The following LYPLAL1 variants were observed in gnomAD, a reference collection of about 807,000 sequenced individuals.
The protein encoded by LYPLAL1 is lysophospholipase like 1.
Under a neutral mutation model 19.7 loss-of-function variants are expected in LYPLAL1, and 23 were observed. That is an observed-to-expected ratio of 1.17 (90% confidence interval 0.84 to 1.65). The LOEUF (loss-of-function observed/expected upper bound fraction) is 1.65. Among genes scored for constraint, LYPLAL1 ranks in the 40% most tolerant of loss-of-function variants. LYPLAL1 has a pLI of 0.00. For missense variants in LYPLAL1, 355 were observed against 279.4 expected (o/e 1.27, Z -1.93); for synonymous variants, 119 against 96.3 (o/e 1.24, Z -1.38).
the LYPLAL1 span, among the ~76,000 whole-genome samples, chr1:219,349,592 C>CATGT: frequency 6.6e-6 from 1 of 152,070 alleles, no homozygotes; most frequent in Non-Finnish European, 1.5e-5. Context: ...CCTATGCATG[C>CATGT]ATGTATGTAT....
At chr1:219,231,898 A>T in the LYPLAL1 span, among the ~76,000 whole-genome samples, 1 of 152,252 alleles carries the variant, frequency 6.6e-6, no homozygotes, top group African/African-American at 2.4e-5. Context: ...TATGTGGCAT[A>T]TACTAGCTGT....
intron 3 of LYPLAL1, chr1:219,198,478 A>C (rs1373377264): frequency 6.6e-6 from 1 of 152,106 alleles, no homozygotes; most frequent in Non-Finnish European, 1.5e-5. Flanking sequence ...TCATGATTAC[A>C]CATTTGATAT....
chr1:219,248,957 A>G, the LYPLAL1 span, among the ~76,000 whole-genome samples: 1 of 152,106 alleles, frequency 6.6e-6, no homozygotes, highest in Non-Finnish European at 1.5e-5. Flanking sequence ...ATGTCTTTAA[A>G]AAAACATGTA....
At chr1:219,180,670 G>A (rs1483342743) in intron 2 of LYPLAL1, among the ~76,000 whole-genome samples, 1 of 152,162 alleles carries the variant, frequency 6.6e-6, no homozygotes, top group Non-Finnish European at 1.5e-5. Flanking sequence ...CTGCAGGGAT[G>A]AAAGATAAGT....
the LYPLAL1 span, among the ~76,000 whole-genome samples, chr1:219,435,775 G>A: frequency 2.0e-5 from 3 of 151,492 alleles, no homozygotes; most frequent in African/African-American, 7.3e-5. Context: ...GCAGTGAGCC[G>A]AGACCACACC....
At chr1:219,293,424 A>C in the LYPLAL1 span, among the ~76,000 whole-genome samples, 1 of 152,198 alleles carries the variant, frequency 6.6e-6, no homozygotes, top group African/African-American at 2.4e-5. Flanking sequence ...TCCCTGGCTT[A>C]GAGTTAAAAA....
the LYPLAL1 span, among the ~76,000 whole-genome samples, chr1:219,395,778 T>C: frequency 6.6e-6 from 1 of 152,176 alleles, no homozygotes; most frequent in Non-Finnish European, 1.5e-5. Context: ...TTGATCCATC[T>C]TGAGTTGATT....
At chr1:219,267,432 C>T in the LYPLAL1 span, among the ~76,000 whole-genome samples, 1 of 152,132 alleles carries the variant, frequency 6.6e-6, no homozygotes, top group African/African-American at 2.4e-5. Flanking sequence ...TAGTTCATGC[C>T]TAGATGAAGC....
At chr1:219,429,624 T>C in the LYPLAL1 span, among the ~76,000 whole-genome samples, 1 of 151,976 alleles carries the variant, frequency 6.6e-6, no homozygotes, top group African/African-American at 2.4e-5. Flanking sequence ...ACCACTGCAG[T>C]CCAGCCTGGG....
chr1:219,386,063 G>A, the LYPLAL1 span, among the ~76,000 whole-genome samples: 1 of 152,156 alleles, frequency 6.6e-6, no homozygotes, highest in Admixed American at 6.5e-5. Context: ...TGCCTGGAAA[G>A]GTGAAAAATT....
the LYPLAL1 span, among the ~76,000 whole-genome samples, chr1:219,357,298 C>CT: frequency 5.3e-5 from 8 of 152,182 alleles, no homozygotes; most frequent in Admixed American, 2.0e-4. Context: ...AAACGTTGTA[C>CT]TTCAATATGT....
intron 3 of LYPLAL1, among the ~76,000 whole-genome samples, chr1:219,205,372 A>AC (rs1047430177): frequency 6.6e-5 from 10 of 151,430 alleles, no homozygotes; most frequent in East Asian, 1.9e-4. Context: ...TCAAAAAAAA[A>AC]AAAAAACAAA....
At chr1:219,392,594 T>C in the LYPLAL1 span, among the ~76,000 whole-genome samples, 1 of 152,174 alleles carries the variant, frequency 6.6e-6, no homozygotes, top group Non-Finnish European at 1.5e-5. Context: ...AAGAAACAGA[T>C]GTTAAAAGTC....
the LYPLAL1 span, among the ~76,000 whole-genome samples, chr1:219,403,948 C>G: frequency 3.7e-4 from 56 of 152,216 alleles, no homozygotes; most frequent in Non-Finnish European, 7.6e-4. Flanking sequence ...CATTTTCTCT[C>G]TGTTCTAAGG....
the LYPLAL1 span, among the ~76,000 whole-genome samples, chr1:219,313,663 T>G: frequency 2.6e-3 from 399 of 152,112 alleles, 3 homozygotes; most frequent in African/African-American, 9.1e-3. Context: ...GCCTCCCAGA[T>G]AGCTGGGATT....
the LYPLAL1 span, among the ~76,000 whole-genome samples, chr1:219,440,084 A>G: frequency 6.7e-6 from 1 of 149,532 alleles, no homozygotes. Flanking sequence ...ATTCAAACAC[A>G]CACACACACA....
the LYPLAL1 span, among the ~76,000 whole-genome samples, chr1:219,374,660 C>T: frequency 1.3e-5 from 2 of 152,320 alleles, no homozygotes; most frequent in Non-Finnish European, 2.9e-5. Context: ...TGATTTGCAT[C>T]TCATTGTTCC....
the LYPLAL1 span, among the ~76,000 whole-genome samples, chr1:219,229,124 C>T: frequency 6.6e-6 from 1 of 151,868 alleles, no homozygotes; most frequent in Admixed American, 6.6e-5. Flanking sequence ...CAAGTGAATG[C>T]GTTTTGAGCT....
the LYPLAL1 span, among the ~76,000 whole-genome samples, chr1:219,314,409 C>A: frequency 6.6e-6 from 1 of 152,152 alleles, no homozygotes; most frequent in Non-Finnish European, 1.5e-5. Flanking sequence ...AACTGCTTTC[C>A]GCAATGGTTG....
Sources: gnomAD v4.1 joint callset for allele counts (sites outside exome capture counted in the v4.1 genomes callset) on GRCh38, gnomAD v4.1.1 for gene constraint, MANE v1.5 for transcripts, NCBI Gene and HGNC (gene_info 2026-07-23, HGNC 2026-07-21) for gene names.